Variants in DNAH8 observed in about 807,000 individuals in gnomAD.
The protein encoded by DNAH8 is axonemal beta dynein heavy chain 8.
A neutral mutation model predicts 562.1 loss-of-function variants in DNAH8; 382 were observed. The ratio of observed to expected loss-of-function variants is 0.68; its 90% CI spans 0.63 to 0.74. DNAH8 has a LOEUF of 0.74. DNAH8 is among the 30% of genes least tolerant of loss of function. DNAH8 has a pLI of 0.00. For synonymous variants in DNAH8, 1,881 were observed against 1,919.4 expected (o/e 0.98, Z 0.52); for missense variants, 5,203 against 5,620.4 (o/e 0.93, Z 2.37).
At chr6:38,883,112 C>T in intron 54 of DNAH8, 60 bp downstream of exon 54, 1 of 1,432,194 alleles carries the variant, frequency 7.0e-7, no homozygotes, top group Admixed American at 2.4e-5. Flanking sequence ...CGGGAATATG[C>T]ACCCATATTT....
chr6:38,886,817 G>A lies in DNAH8; in HGVS notation c.8286G>A (p.Met2762Ile). The A allele has an allele frequency of 6.2e-7, 1 of 1,614,066 alleles. No individual in the cohort carries two copies. The highest frequency in any genetic ancestry group is 8.5e-7 in the Non-Finnish European group (1 of 1,179,944). ...DQITNEIVRQ[M>I]MEMEGMYSLD... is the part of the protein sequence containing the mutation. ...TAACTAATGAGATTGTGCGACAGAT[G>A]ATGGAAATGGAAGGAATGTACAGCT... The change falls in exon 57 of 93, where the codon ATG becomes ATA. Residue 2762 changes from methionine to isoleucine, a missense_variant. Physicochemically the swap from Met to Ile is conservative, Grantham distance 10. This residue lies in a region of DNAH8 where 977 missense variants were observed against 1,061.8 expected (regional missense o/e 0.92). Transcript: ENST00000327475.
At chr6:38,750,696 G>A (rs1484776930) in intron 9 of DNAH8, 107 bp downstream of exon 9, 1 of 622,086 alleles carries the variant, frequency 1.6e-6, no homozygotes. Context: ...GCCCAGGAGT[G>A]CAAGGCTGCA....
At chr6:38,950,242 G>A (rs1761781966) in intron 81 of DNAH8, among the ~76,000 whole-genome samples, 1 of 150,708 alleles carries the variant, frequency 6.6e-6, no homozygotes, top group Admixed American at 6.7e-5. Context: ...GATGGGTAAG[G>A]CAGAGGAGTA....
chr6:38,741,462 C>CAA (rs56804430), intron 7 of DNAH8, among the ~76,000 whole-genome samples: 1 of 145,210 alleles, frequency 6.9e-6, no homozygotes, highest in African/African-American at 2.5e-5. Context: ...CCCCCCCGAC[C>CAA]AAAAAAAAAA....
intron 5 of DNAH8, among the ~76,000 whole-genome samples, chr6:38,734,865 AAC>A (rs1763963744): frequency 6.6e-6 from 1 of 152,236 alleles, no homozygotes; most frequent in Admixed American, 6.5e-5. Context: ...GTGTGCAAAT[AAC>A]ACATTTAATT....
chr6:38,855,492 T>G (rs1776124692), intron 41 of DNAH8, among the ~76,000 whole-genome samples: 1 of 152,212 alleles, frequency 6.6e-6, no homozygotes, highest in Admixed American at 6.5e-5. Context: ...TTATTGCTGT[T>G]TTCTCCTTTG....
At chr6:38,736,051 T>C (rs1764059108) in intron 5 of DNAH8, among the ~76,000 whole-genome samples, 1 of 151,976 alleles carries the variant, frequency 6.6e-6, no homozygotes, top group Non-Finnish European at 1.5e-5. Flanking sequence ...GAGAAGAGAA[T>C]TGCTTGAGTC....
chr6:38,722,717 TAAAAACGTACAACACTCA>T, intron 1 of DNAH8, 41 bp from the exon 2 acceptor site: 1 of 1,378,490 alleles, frequency 7.3e-7, no homozygotes, highest in East Asian at 2.5e-5. Context: ...AGGGGAGTAA[TAAAAACGTACAACACTCA>T]ATTTACTGTA....
chr6:38,785,068 G>A (rs894112959), intron 17 of DNAH8, among the ~76,000 whole-genome samples: 3 of 152,208 alleles, frequency 2.0e-5, no homozygotes, highest in Non-Finnish European at 4.4e-5. Context: ...TCCAGGAGAA[G>A]TGATCACATA....
intron 65 of DNAH8, 90 bp from the exon 66 acceptor site, chr6:38,911,378 A>G (rs1156802140): frequency 8.4e-6 from 8 of 955,060 alleles, no homozygotes; most frequent in Non-Finnish European, 1.4e-5. Flanking sequence ...ATCACTCTAC[A>G]TGATCACACT....
intron 56 of DNAH8, 85 bp from the exon 57 acceptor site, chr6:38,886,706 C>A: frequency 9.4e-7 from 1 of 1,065,920 alleles, no homozygotes; most frequent in Non-Finnish European, 1.4e-6. Flanking sequence ...ATGTTTTCTT[C>A]TAATCTCATT....
At chr6:38,890,784 T>C in intron 58 of DNAH8, 23 bp downstream of exon 58, 1 of 1,555,974 alleles carries the variant, frequency 6.4e-7, no homozygotes, top group South Asian at 1.1e-5. Flanking sequence ...TTGTCAATAA[T>C]TTTTAAAAAG....
intron 25 of DNAH8, among the ~76,000 whole-genome samples, chr6:38,815,240 C>T (rs142904333): frequency 1.2e-4 from 19 of 152,248 alleles, no homozygotes; most frequent in African/African-American, 3.9e-4. Flanking sequence ...AAGTTACGTC[C>T]GCATTAGCTC....
intron 24 of DNAH8, among the ~76,000 whole-genome samples, chr6:38,810,334 G>T (rs1266870479): frequency 2.0e-5 from 3 of 152,188 alleles, no homozygotes; most frequent in African/African-American, 7.2e-5. Flanking sequence ...GCTCACCTCT[G>T]TAATCCCAGC....
At chr6:38,953,668 G>C (rs1362444392) in intron 82 of DNAH8, among the ~76,000 whole-genome samples, 1 of 152,182 alleles carries the variant, frequency 6.6e-6, no homozygotes, top group Admixed American at 6.5e-5. Flanking sequence ...GTCTCAGGCT[G>C]CTTGCTGCTT....
intron 29 of DNAH8, 124 bp downstream of exon 29, chr6:38,826,515 C>A: frequency 3.0e-6 from 2 of 664,314 alleles, no homozygotes; most frequent in Non-Finnish European, 5.2e-6. Flanking sequence ...GCCTATTTCT[C>A]GTCTCTGATG....
intron 26 of DNAH8, among the ~76,000 whole-genome samples, chr6:38,821,985 A>G (rs1411966734): frequency 2.6e-5 from 4 of 152,126 alleles, no homozygotes; most frequent in African/African-American, 9.7e-5. Context: ...GGATTCTTTT[A>G]TCTCTATTTG....
Position 38,921,442 on chromosome 6 carries a change from A to T in DNAH8, c.10598A>T (p.Asp3533Val), listed in dbSNP as rs1388863822. ...TTAGGGAAGGCACAAGCCCTGCTGG[A>T]TGAGAAGCAAGCTGAGCTGGATAAA... is the stretch of plus-strand genomic sequence containing the variant. ...AELGKAQALL[D>V]EKQAELDKVQ... The change falls in exon 71 of 93, where the codon GAT becomes GTT. Residue 3533 changes from aspartate to valine, a missense_variant. Coordinates refer to ENST00000327475, the MANE Select transcript of DNAH8 (RefSeq NM_001206927.2). 1.2e-6 allele frequency: 2 copies of T among 1,613,828 alleles called. No individual in the cohort carries two copies. Among genetic ancestry groups the T allele is most frequent in the Non-Finnish European group, 1.7e-6 (2 of 1,179,890 alleles).
At chr6:39,020,333 T>C (rs77648796) in intron 91 of DNAH8, among the ~76,000 whole-genome samples, 2,045 of 152,228 alleles carry the variant, frequency 0.013, 53 homozygotes, top group African/African-American at 0.046. Flanking sequence ...AAAACAACTG[T>C]GCATCAGTGA....
Sources: allele counts gnomAD v4.1 joint callset (sites outside exome capture counted in the v4.1 genomes callset), GRCh38; gene constraint gnomAD v4.1.1; regional missense constraint gnomAD v4.1.1; transcripts MANE v1.5; gene names NCBI Gene and HGNC (gene_info 2026-07-23, HGNC 2026-07-21).